Variants in RABGAP1L observed in about 807,000 individuals in gnomAD.
RABGAP1L encodes RAB GTPase activating protein 1 like.
A neutral mutation model predicts 137.7 loss-of-function variants in RABGAP1L; 63 were observed. The observed-to-expected ratio is 0.46, with a 90% confidence interval of 0.37 to 0.56. The LOEUF (loss-of-function observed/expected upper bound fraction) is 0.56. RABGAP1L is among the 20% of genes least tolerant of loss of function. RABGAP1L has a pLI of 0.00. For missense variants in RABGAP1L, 1,095 were observed against 1,244.0 expected, an observed-to-expected ratio of 0.88 and a Z score of 1.80; for synonymous variants, 431 against 433.7, an observed-to-expected ratio of 0.99 and a Z score of 0.08.
intron 10 of RABGAP1L, among the ~76,000 whole-genome samples, chr1:174,280,048 G>GGAGGGAGAGAGA (rs1476116577): frequency 8.1e-4 from 101 of 125,302 alleles, no homozygotes; most frequent in Non-Finnish European, 1.2e-3. Context: ...CTGTCTGCCT[G>GGAGGGAGAGAGA]GAGAGAGAGA....
In RABGAP1L at chr1:174,451,656, T is replaced by C. The variant is rs562467480; in HGVS notation, c.1710+57511T>C. On this transcript the variant is annotated intron_variant, in intron 13 of 25. Transcript: ENST00000681986. ...TTCATTTCAAAAGCCTTTAAATTTT[T>C]GTACCTCTGTCTGTACCTTTTCCCT... 2.6e-5 allele frequency among the ~76,000 whole-genome samples: 4 copies of C among 152,356 alleles called. No homozygotes were observed. In the East Asian group the frequency reaches 7.7e-4, roughly 29 times the overall value.
intron 7 of RABGAP1L, among the ~76,000 whole-genome samples, chr1:174,265,007 T>C (rs1673930471): frequency 6.6e-6 from 1 of 152,180 alleles, no homozygotes; most frequent in Non-Finnish European, 1.5e-5. Context: ...CCTATCTACA[T>C]GTGTTTTATG....
At chr1:174,582,510 C>T (rs746217570) in intron 13 of RABGAP1L, among the ~76,000 whole-genome samples, 1 of 151,862 alleles carries the variant, frequency 6.6e-6, no homozygotes, top group Non-Finnish European at 1.5e-5. Flanking sequence ...GAGGCTGAGG[C>T]GAGAGAAATT....
At position 174,893,691 on chromosome 1, in the gene RABGAP1L, C is replaced by T. The variant is rs565197893; in HGVS notation, c.2341-63766C>T. Among the ~76,000 whole-genome samples the T allele has an allele frequency of 7.2e-5, 11 of 152,288 alleles. No homozygotes were observed. The South Asian group carries it at 2.3e-3, about 32-fold the overall frequency. ...TACTTTCCCTCTTTGCAACACTTCG[C>T]TAGCAGGTACTTCCTAATCAGGATC... On this transcript the variant is annotated intron_variant, in intron 19 of 25. Coordinates refer to ENST00000681986, the MANE Select transcript of RABGAP1L (RefSeq NM_001366446.1).
At chr1:174,574,217 A>G (rs1668195841) in intron 13 of RABGAP1L, among the ~76,000 whole-genome samples, 1 of 152,214 alleles carries the variant, frequency 6.6e-6, no homozygotes, top group Non-Finnish European at 1.5e-5. Context: ...TGCCCTTATT[A>G]AACAATTGAT....
intron 12 of RABGAP1L, among the ~76,000 whole-genome samples, chr1:174,380,409 A>G (rs1460953679): frequency 6.6e-6 from 1 of 151,468 alleles, no homozygotes; most frequent in African/African-American, 2.4e-5. Context: ...CTGTGAATCC[A>G]TCTGGTCCTG....
chr1:174,985,411 C>T lies in RABGAP1L; in HGVS notation c.2805+2506C>T, dbSNP rs1671508873. Among the ~76,000 whole-genome samples, 5 of 152,076 alleles carry T rather than the reference C, an allele frequency of 3.3e-5. No individual in the cohort carries two copies. In the South Asian group the frequency reaches 1.0e-3, roughly 31 times the overall value. On this transcript the variant is annotated intron_variant, in intron 24 of 25. Transcript: ENST00000681986. ...GGTACAAAATTAAAAAAGAAAAAGA[C>T]AGTAAAGCTTCTTTTTTATTGATGA...
intron 15 of RABGAP1L, among the ~76,000 whole-genome samples, chr1:174,699,072 C>A (rs913256912): frequency 2.0e-5 from 3 of 151,922 alleles, no homozygotes; most frequent in Non-Finnish European, 4.4e-5. Flanking sequence ...TTGCTCACTG[C>A]AACCTCCACC....
chr1:174,743,037 C>A (rs554744881), intron 17 of RABGAP1L, among the ~76,000 whole-genome samples: 1 of 152,134 alleles, frequency 6.6e-6, no homozygotes, highest in Admixed American at 6.5e-5. Context: ...CAGTCTAGGT[C>A]CTGCTGCTCA....
intron 10 of RABGAP1L, among the ~76,000 whole-genome samples, chr1:174,286,397 G>T (rs1032080656): frequency 6.6e-6 from 1 of 151,914 alleles, no homozygotes; most frequent in Non-Finnish European, 1.5e-5. Flanking sequence ...TATTTCTGTG[G>T]TATCAGTTAT....
intron 13 of RABGAP1L, among the ~76,000 whole-genome samples, chr1:174,502,862 T>A (rs1308635846): frequency 6.6e-6 from 1 of 151,990 alleles, no homozygotes; most frequent in East Asian, 1.9e-4. Context: ...CAAGAATACA[T>A]AATTATAGAA....
At chr1:174,929,884 T>C (rs1266096878) in intron 19 of RABGAP1L, among the ~76,000 whole-genome samples, 1 of 147,188 alleles carries the variant, frequency 6.8e-6, no homozygotes, top group East Asian at 2.0e-4. Flanking sequence ...AGGGTCTTGC[T>C]CTGTCTCCCA....
chr1:174,252,625 T>G (rs1364529565), intron 7 of RABGAP1L, 35 bp downstream of exon 7: 12 of 1,592,604 alleles, frequency 7.5e-6, no homozygotes, highest in Admixed American at 1.9e-5. Context: ...ACCAAAAACT[T>G]GTATTGACAT....
chr1:174,512,762 T>C (rs1662472680), intron 13 of RABGAP1L, among the ~76,000 whole-genome samples: 1 of 152,176 alleles, frequency 6.6e-6, no homozygotes, highest in East Asian at 1.9e-4. Context: ...GGGAGGCCTC[T>C]ATGACAAGCA....
intron 13 of RABGAP1L, among the ~76,000 whole-genome samples, chr1:174,530,649 C>T (rs1387747164): frequency 6.6e-6 from 1 of 152,152 alleles, no homozygotes; most frequent in African/African-American, 2.4e-5. Flanking sequence ...TTCCTTTCTC[C>T]TTGCTTTAGG....
At chr1:174,887,218 A>G (rs182495958) in intron 19 of RABGAP1L, among the ~76,000 whole-genome samples, 1 of 152,208 alleles carries the variant, frequency 6.6e-6, no homozygotes, top group African/African-American at 2.4e-5. Flanking sequence ...GGGGAAAGTG[A>G]GTATTTGCTG....
intron 10 of RABGAP1L, among the ~76,000 whole-genome samples, chr1:174,292,019 TTTATTATTA>T (rs60906954): frequency 1.8e-4 from 25 of 139,036 alleles, no homozygotes; most frequent in South Asian, 7.0e-4. Flanking sequence ...GATTAGATCA[TTTATTATTA>T]TTATTATTAT....
chr1:174,699,452 C>T, intron 15 of RABGAP1L, 73 bp from the exon 16 acceptor site: 2 of 1,436,738 alleles, frequency 1.4e-6, no homozygotes, highest in Non-Finnish European at 1.9e-6. Flanking sequence ...GGACTAATAA[C>T]ATGAAGGAAC....
At chr1:174,574,816 T>C (rs1668247563) in intron 13 of RABGAP1L, among the ~76,000 whole-genome samples, 1 of 152,198 alleles carries the variant, frequency 6.6e-6, no homozygotes, top group African/African-American at 2.4e-5. Flanking sequence ...ATGAAAATAG[T>C]GTAAGGCTCA....
Sources: allele counts gnomAD v4.1 joint callset (sites outside exome capture counted in the v4.1 genomes callset), GRCh38; gene constraint gnomAD v4.1.1; transcripts MANE v1.5; gene names NCBI Gene and HGNC (gene_info 2026-07-23, HGNC 2026-07-21).